Variants in IQCM observed in about 807,000 individuals in gnomAD.
IQCM encodes the protein IQ domain-containing protein M.
IQCM carries 45 observed loss-of-function variants against 57.6 expected under a neutral mutation model. The observed-to-expected ratio is 0.78, with a 90% confidence interval of 0.62 to 1.00. IQCM has a LOEUF of 1.00. IQCM is among the 50% of genes least tolerant of loss of function. IQCM has a pLI of 0.00. For synonymous variants in IQCM, 148 were observed against 158.9 expected (o/e 0.93, Z 0.51); for missense variants, 468 against 511.6 (o/e 0.91, Z 0.82).
intron 13 of IQCM, among the ~76,000 whole-genome samples, chr4:149,427,303 T>C (rs1345216342): frequency 6.6e-6 from 1 of 152,002 alleles, no homozygotes; most frequent in Non-Finnish European, 1.5e-5. Flanking sequence ...GTTAAATAAA[T>C]AGATGCAGAA....
intron 12 of IQCM, among the ~76,000 whole-genome samples, chr4:149,534,748 T>A (rs1171526887): frequency 6.6e-6 from 1 of 152,130 alleles, no homozygotes; most frequent in Non-Finnish European, 1.5e-5. Flanking sequence ...TACACCGCTG[T>A]ATTCCATGTT....
At chr4:149,619,710 A>C (rs1312023968) in intron 8 of IQCM, among the ~76,000 whole-genome samples, 1 of 152,194 alleles carries the variant, frequency 6.6e-6, no homozygotes, top group East Asian at 1.9e-4. Context: ...TTATGGACTA[A>C]ATTGTGTCCC....
In IQCM at chr4:149,740,086, G is replaced by A. The variant is rs73857738; in HGVS notation, c.37+2569C>T. Among the ~76,000 whole-genome samples, 1,374 of 152,222 alleles carry A rather than the reference G, an allele frequency of 9.0e-3. 10 individuals are homozygous for A. Among genetic ancestry groups the A allele is most frequent in the African/African-American group, 0.031 (1,270 of 41,548 alleles). ...CTTAAAAACATTTGCTTTTCATAAC[G>A]ATAATAAAAACAACTGGCCATACTC... On this transcript the variant is annotated intron_variant, in intron 3 of 13. Coordinates refer to ENST00000636793, the MANE Select transcript of IQCM (RefSeq NM_001363507.2).
intron 8 of IQCM, among the ~76,000 whole-genome samples, chr4:149,602,051 A>AAAAAG (rs1754357928): frequency 1.3e-5 from 2 of 151,486 alleles, no homozygotes; most frequent in African/African-American, 4.8e-5. Flanking sequence ...AAAAAAAAAA[A>AAAAAG]AAAAGAAAAA....
intron 12 of IQCM, among the ~76,000 whole-genome samples, chr4:149,467,148 C>T (rs550689414): frequency 6.6e-6 from 1 of 152,246 alleles, no homozygotes; most frequent in African/African-American, 2.4e-5. Context: ...TGCTATCACT[C>T]AACATGTGGA....
chr4:149,481,710 T>TTTTTTTTTTG (rs1740884553), intron 12 of IQCM, among the ~76,000 whole-genome samples: 1 of 138,456 alleles, frequency 7.2e-6, no homozygotes, highest in African/African-American at 2.6e-5. Flanking sequence ...TGTTTTTTTT[T>TTTTTTTTTTG]TTTTTTTTTT....
chr4:149,461,144 G>A (rs1208222522), intron 12 of IQCM, among the ~76,000 whole-genome samples: 1 of 145,106 alleles, frequency 6.9e-6, no homozygotes, highest in African/African-American at 2.6e-5. Context: ...TGAGGCAGGA[G>A]AATCACTTCA....
At chr4:149,425,477 G>A (rs1303035332) in intron 13 of IQCM, among the ~76,000 whole-genome samples, 1 of 151,964 alleles carries the variant, frequency 6.6e-6, no homozygotes, top group African/African-American at 2.4e-5. Flanking sequence ...GATGGTGTAA[G>A]TCCTGGTTCA....
chr4:149,619,203 G>A (rs1238002682), intron 8 of IQCM, among the ~76,000 whole-genome samples: 1 of 150,780 alleles, frequency 6.6e-6, no homozygotes, highest in Non-Finnish European at 1.5e-5. Context: ...GATGGAATTG[G>A]AGGCCATTAT....
At chr4:149,587,034 G>A (rs1413739484) in intron 9 of IQCM, among the ~76,000 whole-genome samples, 2 of 151,532 alleles carry the variant, frequency 1.3e-5, no homozygotes, top group Admixed American at 6.6e-5. Context: ...ACAGAATTGG[G>A]ACTCCTCTCT....
intron 2 of IQCM, among the ~76,000 whole-genome samples, chr4:149,771,591 T>C (rs1192383973): frequency 1.3e-5 from 2 of 152,108 alleles, no homozygotes; most frequent in Non-Finnish European, 2.9e-5. Flanking sequence ...GGTTACTTGG[T>C]TCAGGCTTCC....
intron 10 of IQCM, among the ~76,000 whole-genome samples, chr4:149,557,705 C>T (rs529453547): frequency 1.3e-5 from 2 of 152,306 alleles, no homozygotes; most frequent in South Asian, 4.1e-4. Flanking sequence ...TACACACCTT[C>T]TTCTCCTGCA....
At chr4:149,650,690 T>C (rs1308918033) in intron 7 of IQCM, among the ~76,000 whole-genome samples, 2 of 152,140 alleles carry the variant, frequency 1.3e-5, no homozygotes, top group Non-Finnish European at 2.9e-5. Flanking sequence ...GCTTCCAGCC[T>C]AAATTTCTGT....
chr4:149,500,341 A>G (rs766784493), intron 12 of IQCM, among the ~76,000 whole-genome samples: 1 of 152,232 alleles, frequency 6.6e-6, no homozygotes, highest in Non-Finnish European at 1.5e-5. Flanking sequence ...CTTTTAAATA[A>G]TATAAACCTT....
At chr4:149,433,193 G>A (rs1173494175) in intron 13 of IQCM, among the ~76,000 whole-genome samples, 1 of 151,998 alleles carries the variant, frequency 6.6e-6, no homozygotes, top group Non-Finnish European at 1.5e-5. Context: ...CAGGCACAAT[G>A]TAGTTCCACT....
At chr4:149,498,622 C>T (rs1255992494) in intron 12 of IQCM, among the ~76,000 whole-genome samples, 1 of 152,104 alleles carries the variant, frequency 6.6e-6, no homozygotes, top group Non-Finnish European at 1.5e-5. Context: ...TAGGGAGGCC[C>T]TCCCAGGGTG....
chr4:149,460,196 C>T (rs962992403), intron 12 of IQCM, among the ~76,000 whole-genome samples: 3 of 152,094 alleles, frequency 2.0e-5, no homozygotes, highest in Admixed American at 6.6e-5. Context: ...TTTTCGTGTG[C>T]TTATTAGCCA....
intron 7 of IQCM, among the ~76,000 whole-genome samples, chr4:149,664,114 G>A (rs1000219038): frequency 1.4e-4 from 22 of 151,928 alleles, no homozygotes; most frequent in Admixed American, 5.2e-4. Context: ...TTCATTCATT[G>A]AATTCTTCAG....
intron 5 of IQCM, among the ~76,000 whole-genome samples, chr4:149,699,147 T>C (rs1024836436): frequency 2.0e-5 from 3 of 152,090 alleles, no homozygotes; most frequent in Non-Finnish European, 2.9e-5. Flanking sequence ...TGTAAACTTT[T>C]AGTAATAGCA....
Sources: gnomAD v4.1 joint callset for allele counts (sites outside exome capture counted in the v4.1 genomes callset) on GRCh38, gnomAD v4.1.1 for gene constraint, MANE v1.5 for transcripts, NCBI Gene and HGNC (gene_info 2026-07-23, HGNC 2026-07-21) for gene names.